DLGAP1: variants seen among roughly 807,000 people sequenced by gnomAD.
The protein encoded by DLGAP1 is DLG associated protein 1.
Under a neutral mutation model 90.8 loss-of-function variants are expected in DLGAP1, and 11 were observed. The ratio of observed to expected loss-of-function variants is 0.12; its 90% CI spans 0.08 to 0.20. DLGAP1 has a LOEUF of 0.20. DLGAP1 is among the 10% of genes least tolerant of loss of function. The pLI is 1.00. For missense variants in DLGAP1, 1,050 were observed against 1,333.8 expected, an observed-to-expected ratio of 0.79 and a Z score of 3.31; for synonymous variants, 558 against 540.7, an observed-to-expected ratio of 1.03 and a Z score of -0.44.
chr18:3,637,251 T>C lies in DLGAP1; in HGVS notation c.1592-55003A>G, dbSNP rs79068056. On this transcript the variant is annotated intron_variant, in intron 7 of 12. Transcript: ENST00000315677. ...AAGGGGCAAAGGCTGATCAAGGAATTTCATTTCTTCCTAATTTTAAGACCC... is the reference window on the plus strand; with the variant it reads ...AAGGGGCAAAGGCTGATCAAGGAATCTCATTTCTTCCTAATTTTAAGACCC... Among the ~76,000 whole-genome samples, 135 of 152,040 alleles carry C rather than the reference T, an allele frequency of 8.9e-4. 2 individuals are homozygous for C. The East Asian group carries it at 0.017, about 20-fold the overall frequency.
intron 4 of DLGAP1, among the ~76,000 whole-genome samples, chr18:3,862,337 A>T: frequency 6.6e-6 from 1 of 152,250 alleles, no homozygotes; most frequent in East Asian, 1.9e-4. Context: ...AGGTGTCAAA[A>T]CATTGTAATT....
At chr18:4,410,652 G>T (rs936787242) in intron 1 of DLGAP1, among the ~76,000 whole-genome samples, 1 of 149,874 alleles carries the variant, frequency 6.7e-6, no homozygotes, top group Non-Finnish European at 1.5e-5. Flanking sequence ...CGCTGATCCA[G>T]CAATTTTATT....
At chr18:4,124,314 T>C (rs1206230061) in intron 2 of DLGAP1, among the ~76,000 whole-genome samples, 1 of 152,232 alleles carries the variant, frequency 6.6e-6, no homozygotes, top group Non-Finnish European at 1.5e-5. Flanking sequence ...ACCTCCAAAA[T>C]GAATATTACC....
At chr18:4,173,196 A>G (rs1174750118) in intron 1 of DLGAP1, among the ~76,000 whole-genome samples, 2 of 152,240 alleles carry the variant, frequency 1.3e-5, no homozygotes, top group African/African-American at 4.8e-5. Flanking sequence ...TAGCTGAAGA[A>G]CCAAGAGCCT....
chr18:3,964,611 G>A (rs1284860256), intron 3 of DLGAP1, among the ~76,000 whole-genome samples: 2 of 152,124 alleles, frequency 1.3e-5, no homozygotes, highest in African/African-American at 4.8e-5. Context: ...ACTGAAGAGT[G>A]GGCTGATGAG....
At chr18:3,551,513 G>T (rs1289972406) in intron 9 of DLGAP1, among the ~76,000 whole-genome samples, 1 of 152,132 alleles carries the variant, frequency 6.6e-6, no homozygotes, top group East Asian at 1.9e-4. Context: ...TTCCCAAAGT[G>T]CTGGGATTAC....
At chr18:4,083,130 G>T (rs1015895785) in intron 2 of DLGAP1, among the ~76,000 whole-genome samples, 1 of 152,126 alleles carries the variant, frequency 6.6e-6, no homozygotes, top group Admixed American at 6.5e-5. Context: ...ATTGGTAGGG[G>T]GTAGAGTAGA....
chr18:3,541,128 A>G (rs901767692), intron 9 of DLGAP1, among the ~76,000 whole-genome samples: 3 of 152,174 alleles, frequency 2.0e-5, no homozygotes, highest in African/African-American at 7.2e-5. Flanking sequence ...TCTCACTAAC[A>G]ATTATGTTTT....
At chr18:3,548,713 C>T (rs2053203897) in intron 9 of DLGAP1, among the ~76,000 whole-genome samples, 2 of 152,104 alleles carry the variant, frequency 1.3e-5, no homozygotes, top group Non-Finnish European at 2.9e-5. Context: ...AGTAACAAGG[C>T]AAGGATGTCC....
chr18:4,338,196 A>G (rs918391508), intron 1 of DLGAP1, among the ~76,000 whole-genome samples: 1 of 152,222 alleles, frequency 6.6e-6, no homozygotes, highest in Non-Finnish European at 1.5e-5. Context: ...TCATGATCAC[A>G]AATAATTTCT....
intron 7 of DLGAP1, among the ~76,000 whole-genome samples, chr18:3,712,940 G>C (rs2061643484): frequency 6.6e-6 from 1 of 152,208 alleles, no homozygotes; most frequent in Non-Finnish European, 1.5e-5. Context: ...TTCCTTTACA[G>C]AGTTATCCTT....
intron 2 of DLGAP1, among the ~76,000 whole-genome samples, chr18:4,111,641 C>G (rs899279413): frequency 6.6e-6 from 1 of 151,982 alleles, no homozygotes; most frequent in Non-Finnish European, 1.5e-5. Flanking sequence ...TCTTATAGGT[C>G]GATTTAGATT....
intron 8 of DLGAP1, chr18:3,580,514 G>A: frequency 1.3e-6 from 2 of 1,599,942 alleles, no homozygotes; most frequent in Non-Finnish European, 8.5e-7. Flanking sequence ...GGAGGAGGAA[G>A]AGGAGGCGGC....
chr18:4,079,024 A>G (rs2075565358), intron 2 of DLGAP1, among the ~76,000 whole-genome samples: 3 of 152,152 alleles, frequency 2.0e-5, no homozygotes, highest in Admixed American at 2.0e-4. Context: ...TTTGATGAAG[A>G]AAAAACCATT....
chr18:3,829,496 T>C (rs926405005), intron 4 of DLGAP1, among the ~76,000 whole-genome samples: 26 of 152,060 alleles, frequency 1.7e-4, no homozygotes, highest in African/African-American at 6.3e-4. Flanking sequence ...GGGGAATCTC[T>C]AGAGGCCTGT....
At chr18:4,406,251 A>G (rs1269877745) in intron 1 of DLGAP1, among the ~76,000 whole-genome samples, 1 of 152,038 alleles carries the variant, frequency 6.6e-6, no homozygotes, top group Admixed American at 6.5e-5. Flanking sequence ...AGTAGTTTCC[A>G]TTTTTCATCT....
chr18:3,946,354 AATT>A (rs1213723411), intron 3 of DLGAP1, among the ~76,000 whole-genome samples: 3 of 152,162 alleles, frequency 2.0e-5, no homozygotes, highest in Non-Finnish European at 4.4e-5. Context: ...GTGTCATAAT[AATT>A]ATTAGACCAG....
intron 4 of DLGAP1, among the ~76,000 whole-genome samples, chr18:3,875,125 A>T (rs1245512262): frequency 1.3e-5 from 2 of 152,204 alleles, no homozygotes; most frequent in Non-Finnish European, 2.9e-5. Flanking sequence ...TAGGGACATA[A>T]TCAGTTGTTT....
At chr18:4,211,422 G>A (rs555176696) in intron 1 of DLGAP1, among the ~76,000 whole-genome samples, 85 of 152,304 alleles carry the variant, frequency 5.6e-4, no homozygotes, top group African/African-American at 2.0e-3. Flanking sequence ...GGGTTATCAA[G>A]GGAGATTGTT....
Sources: allele counts gnomAD v4.1 joint callset (sites outside exome capture counted in the v4.1 genomes callset), GRCh38; gene constraint gnomAD v4.1.1; transcripts MANE v1.5; gene names NCBI Gene and HGNC (gene_info 2026-07-23, HGNC 2026-07-21).